The following CAPZB variants were observed in gnomAD, a reference collection of about 807,000 sequenced individuals.
The protein encoded by CAPZB is F-actin-capping protein subunit beta.
CAPZB carries 2 observed loss-of-function variants against 38.1 expected under a neutral mutation model. The observed-to-expected ratio is 0.05, with a 90% CI of 0.02 to 0.17. The LOEUF is 0.17. Among genes scored for constraint, CAPZB ranks in the 10% least tolerant of loss-of-function variants. The pLI is 1.00. For synonymous variants in CAPZB, 107 were observed against 127.4 expected, an observed-to-expected ratio of 0.84 and a Z score of 1.08; for missense variants, 161 against 334.2, an observed-to-expected ratio of 0.48 and a Z score of 4.04.
intron 2 of CAPZB, among the ~76,000 whole-genome samples, chr1:19,386,223 C>T (rs549072764): frequency 1.3e-5 from 2 of 152,324 alleles, no homozygotes; most frequent in East Asian, 1.9e-4. Context: ...GCCAGGGGGC[C>T]GCCTCACCAA....
chr1:19,394,934 C>A (rs1042325242), intron 2 of CAPZB, among the ~76,000 whole-genome samples: 1 of 152,092 alleles, frequency 6.6e-6, no homozygotes, highest in Non-Finnish European at 1.5e-5. Flanking sequence ...CCTCATGACG[C>A]AGGGAGACAG....
chr1:19,451,932 G>C (rs1030078550), intron 1 of CAPZB, among the ~76,000 whole-genome samples: 3 of 151,764 alleles, frequency 2.0e-5, no homozygotes, highest in African/African-American at 7.3e-5. Context: ...GTTTATTATT[G>C]TAATTTACTG....
In CAPZB at chr1:19,339,369, C is replaced by A; in HGVS notation, c.*161G>T. ...CTCGGAGCCGGAGGAGGGTGGCTAT[C>A]GGCTTTATTCTCAGGGAGAGATGGC... On this transcript the variant is annotated 3_prime_UTR_variant, in exon 9 of 9. Transcript: ENST00000264202. 1 of 679,416 alleles carries A rather than the reference C, an allele frequency of 1.5e-6. No individual in the cohort carries two copies. The highest frequency in any genetic ancestry group is 1.7e-5 in the South Asian group (1 of 58,462). 42.1% of individuals were successfully genotyped at this position (679,416 alleles called of 1,614,324 possible). A position where few individuals can be genotyped will look rare whatever the true frequency, so the allele number is the denominator to read the frequency against.
chr1:19,369,461 TTTC>T (rs1448814576), intron 4 of CAPZB, among the ~76,000 whole-genome samples: 6 of 152,258 alleles, frequency 3.9e-5, no homozygotes, highest in African/African-American at 1.2e-4. Flanking sequence ...CTTCTGGCAC[TTTC>T]TCACAAGCCC....
intron 8 of CAPZB, among the ~76,000 whole-genome samples, chr1:19,343,279 T>C (rs552425944): frequency 6.6e-6 from 1 of 151,958 alleles, no homozygotes; most frequent in South Asian, 2.1e-4. Flanking sequence ...AAGACAAGGG[T>C]CCAAAGAGGA....
intron 4 of CAPZB, among the ~76,000 whole-genome samples, chr1:19,362,986 T>A (rs1178190768): frequency 6.6e-6 from 1 of 152,204 alleles, no homozygotes; most frequent in East Asian, 1.9e-4. Flanking sequence ...GTCACCTGTT[T>A]GCTTGCGTCC....
At chr1:19,449,215 A>G (rs1299381596) in intron 1 of CAPZB, 2 of 1,136,864 alleles carry the variant, frequency 1.8e-6, no homozygotes, top group Admixed American at 7.9e-5. Context: ...TGCTTCCCAA[A>G]GCCGGAACCA....
chr1:19,419,521 G>T, intron 2 of CAPZB, 140 bp downstream of exon 2: 5 of 604,236 alleles, frequency 8.3e-6, no homozygotes, highest in Non-Finnish European at 1.5e-5. Flanking sequence ...CTGCCTGGAG[G>T]AATCTCATAG....
chr1:19,390,377 C>T (rs1036581027), intron 2 of CAPZB, among the ~76,000 whole-genome samples: 3 of 152,224 alleles, frequency 2.0e-5, no homozygotes, highest in African/African-American at 4.8e-5. Context: ...ACGCGGCAGC[C>T]GGATGGTTTC....
rs181151595 is a variant in CAPZB, at chr1:19,396,554, C to T, written c.94-10928G>A. Among the ~76,000 whole-genome samples the T allele has an allele frequency of 2.6e-4, 39 of 152,296 alleles. No homozygotes were observed. In the East Asian group the frequency reaches 4.6e-3, roughly 18 times the overall value. On this transcript the variant is annotated intron_variant, in intron 2 of 8. Transcript: ENST00000264202. ...GCTCCTCCTAAAGCCAGACCCGCAG[C>T]CTTCCCAGCATGAAGGCAAGCACGG... is the stretch of plus-strand genomic sequence containing the variant.
chr1:19,383,118 A>C (rs1300764899), intron 3 of CAPZB, among the ~76,000 whole-genome samples: 1 of 7,274 alleles, frequency 1.4e-4, no homozygotes, highest in Non-Finnish European at 5.1e-4. Context: ...CATCTCTACA[A>C]AAAAAAAAAA....
At chr1:19,466,406 G>A (rs1172595208) in intron 1 of CAPZB, among the ~76,000 whole-genome samples, 2 of 152,184 alleles carry the variant, frequency 1.3e-5, no homozygotes, top group African/African-American at 4.8e-5. Context: ...TTCCTGAGCT[G>A]CAACGTTTTT....
At chr1:19,467,620 A>T (rs1329897411) in intron 1 of CAPZB, among the ~76,000 whole-genome samples, 1 of 152,202 alleles carries the variant, frequency 6.6e-6, no homozygotes, top group Non-Finnish European at 1.5e-5. Context: ...CTATCCCAGT[A>T]TGTGGGACAG....
chr1:19,444,915 G>T (rs1355829768), intron 1 of CAPZB, among the ~76,000 whole-genome samples: 1 of 151,980 alleles, frequency 6.6e-6, no homozygotes, highest in Non-Finnish European at 1.5e-5. Flanking sequence ...GCTAATTTTT[G>T]TATTTTTAGT....
intron 8 of CAPZB, among the ~76,000 whole-genome samples, chr1:19,340,898 C>T (rs970578130): frequency 6.5e-4 from 99 of 152,054 alleles, no homozygotes; most frequent in African/African-American, 2.3e-3. Context: ...AAGAGTGCTA[C>T]GGAGAGTGCA....
chr1:19,405,485 T>C (rs142354535), intron 2 of CAPZB, among the ~76,000 whole-genome samples: 19 of 141,200 alleles, frequency 1.3e-4, no homozygotes, highest in African/African-American at 5.1e-4. Flanking sequence ...TTAAAACACC[T>C]GATGTACATA....
At chr1:19,427,672 T>G (rs1223549667) in intron 1 of CAPZB, among the ~76,000 whole-genome samples, 1 of 152,178 alleles carries the variant, frequency 6.6e-6, no homozygotes, top group Non-Finnish European at 1.5e-5. Flanking sequence ...ACTGCCTGAG[T>G]GTCCTCTGGG....
At chr1:19,477,063 A>C (rs2094609460) in intron 1 of CAPZB, among the ~76,000 whole-genome samples, 1 of 152,240 alleles carries the variant, frequency 6.6e-6, no homozygotes, top group South Asian at 2.1e-4. Flanking sequence ...AACAGACCTC[A>C]CAGGGTTGGT....
chr1:19,484,016 C>T (rs1292818853), intron 1 of CAPZB, among the ~76,000 whole-genome samples: 1 of 152,218 alleles, frequency 6.6e-6, no homozygotes, highest in Non-Finnish European at 1.5e-5. Context: ...TCTGGCCCTT[C>T]CAACCTAAGT....
Sources: gnomAD v4.1 joint callset for allele counts (sites outside exome capture counted in the v4.1 genomes callset) on GRCh38, gnomAD v4.1.1 for gene constraint, MANE v1.5 for transcripts, NCBI Gene and HGNC (gene_info 2026-07-23, HGNC 2026-07-21) for gene names.